The following SPOP variants were observed in gnomAD, a reference collection of about 807,000 sequenced individuals.
The protein encoded by SPOP is speckle type BTB/POZ protein.
A neutral mutation model predicts 45.6 loss-of-function variants in SPOP; 11 were observed. That is an observed-to-expected ratio of 0.24 (90% confidence interval 0.15 to 0.40). The LOEUF is 0.40. SPOP is among the 10% of genes least tolerant of loss of function. The pLI, the probability that SPOP is intolerant of heterozygous loss-of-function variation, is 1.00. For missense variants in SPOP, 152 were observed against 465.6 expected (o/e 0.33, Z 6.20); for synonymous variants, 166 against 166.3 (o/e 1.00, Z 0.01).
chr17:49,676,272 C>G (rs571751511), intron 1 of SPOP, among the ~76,000 whole-genome samples: 74 of 152,224 alleles, frequency 4.9e-4, no homozygotes, highest in African/African-American at 1.5e-3. Context: ...ACAATAACTT[C>G]TACCTCTAAG....
In SPOP at chr17:49,601,883, G is replaced by A. The variant is rs1274528044; in HGVS notation, c.962C>T (p.Ala321Val). The A allele has an allele frequency of 6.2e-7, 1 of 1,614,064 alleles. No homozygotes were observed. Among genetic ancestry groups the A allele is most frequent in the Admixed American group, 1.7e-5 (1 of 60,010 alleles). The change falls in exon 9 of 10, where the codon GCA becomes GTA. Residue 321 changes from alanine (A) to valine (V), a missense_variant. By Grantham distance (64) the Ala-to-Val change is moderately conservative (BLOSUM62 0). Transcript: ENST00000504102. ...LHSADQLKTQ[A>V]VDFINYHASD... ...AACTCACTAGTTGATGAAATCCACTGCCTGAGTTTTCAACTGATCTGCACT... is the reference window on the plus strand; with the variant it reads ...AACTCACTAGTTGATGAAATCCACTACCTGAGTTTTCAACTGATCTGCACT...
intron 1 of SPOP, among the ~76,000 whole-genome samples, chr17:49,645,568 T>A (rs1234537106): frequency 6.6e-6 from 1 of 152,094 alleles, no homozygotes; most frequent in Non-Finnish European, 1.5e-5. Flanking sequence ...GTGCTGGGAT[T>A]ACAGGCATGA....
At chr17:49,608,894 C>T (rs1240678594) in intron 6 of SPOP, among the ~76,000 whole-genome samples, 2 of 151,886 alleles carry the variant, frequency 1.3e-5, no homozygotes, top group Non-Finnish European at 1.5e-5. Context: ...CTAATTTTAG[C>T]TCTGCCATTT....
At chr17:49,622,356 G>A in intron 2 of SPOP, 2 of 563,296 alleles carry the variant, frequency 3.6e-6, no homozygotes, top group East Asian at 3.8e-5. Context: ...GACAGGGCTG[G>A]GAAAGCATAT....
At chr17:49,635,997 G>GTTTGTT (rs898782602) in intron 1 of SPOP, among the ~76,000 whole-genome samples, 1 of 151,538 alleles carries the variant, frequency 6.6e-6, no homozygotes, top group African/African-American at 2.4e-5. Context: ...TGTTTTTTCT[G>GTTTGTT]TTTGTTTTTG....
chr17:49,603,461 GT>G (rs2071777521), intron 8 of SPOP, among the ~76,000 whole-genome samples: 1 of 152,208 alleles, frequency 6.6e-6, no homozygotes, highest in Non-Finnish European at 1.5e-5. Flanking sequence ...TGGGGACAAA[GT>G]TTTTTCTTAA....
chr17:49,669,680 G>T (rs916164746), intron 1 of SPOP, among the ~76,000 whole-genome samples: 8 of 146,242 alleles, frequency 5.5e-5, no homozygotes, highest in African/African-American at 2.0e-4. Context: ...TAAGAGAATG[G>T]CTTGGACCCG....
intron 1 of SPOP, among the ~76,000 whole-genome samples, chr17:49,632,266 G>A (rs2072464562): frequency 6.6e-6 from 1 of 152,104 alleles, no homozygotes. Flanking sequence ...AATTTATTGA[G>A]TACATTACAA....
chr17:49,665,488 G>A (rs1366550512), intron 1 of SPOP, among the ~76,000 whole-genome samples: 4 of 151,694 alleles, frequency 2.6e-5, no homozygotes, highest in Admixed American at 6.6e-5. Flanking sequence ...GGTGGCAGGC[G>A]CCTGTAGTCC....
Position 49,607,206 on chromosome 17 carries a change from C to T in SPOP, c.837+44G>A, listed in dbSNP as rs773780837. ...ATCCTGTTCATGAAACACAAGAAGT[C>T]ACAATAACTCCTAGTCCTGATTATT... On this transcript the variant is annotated intron_variant, in intron 8 of 9. Coordinates refer to ENST00000504102, the MANE Select transcript of SPOP (RefSeq NM_001007228.2). The T allele has an allele frequency of 3.1e-6, 5 of 1,611,814 alleles. No individual in the cohort carries two copies. In the Admixed American group the frequency reaches 8.4e-5, roughly 27 times the overall value.
intron 1 of SPOP, among the ~76,000 whole-genome samples, chr17:49,634,882 C>G (rs1029934914): frequency 2.0e-5 from 3 of 152,148 alleles, no homozygotes; most frequent in African/African-American, 7.2e-5. Flanking sequence ...TGAAAAGGCC[C>G]ACCTGCTCCA....
At chr17:49,641,558 T>C (rs1293116818) in intron 1 of SPOP, among the ~76,000 whole-genome samples, 2 of 147,404 alleles carry the variant, frequency 1.4e-5, no homozygotes, top group African/African-American at 5.0e-5. Flanking sequence ...ACAGTAACTC[T>C]ATAGCACAAA....
chr17:49,648,568 T>C (rs2072793964), intron 1 of SPOP, among the ~76,000 whole-genome samples: 1 of 152,220 alleles, frequency 6.6e-6, no homozygotes. Flanking sequence ...GAATGTTTCA[T>C]GTGACTTAAT....
intron 1 of SPOP, among the ~76,000 whole-genome samples, chr17:49,668,816 A>G (rs991507197): frequency 3.5e-5 from 5 of 142,490 alleles, no homozygotes; most frequent in African/African-American, 1.3e-4. Context: ...CACTCTTGTC[A>G]CCCAGACTGG....
intron 1 of SPOP, among the ~76,000 whole-genome samples, chr17:49,642,273 T>C (rs987645980): frequency 2.0e-5 from 3 of 151,952 alleles, no homozygotes; most frequent in African/African-American, 4.8e-5. Context: ...CAAAAAAATA[T>C]ATAATTTCAA....
chr17:49,644,101 C>A (rs562418767), intron 1 of SPOP, among the ~76,000 whole-genome samples: 2 of 151,992 alleles, frequency 1.3e-5, no homozygotes, highest in Admixed American at 1.3e-4. Flanking sequence ...TGCTGTGGCT[C>A]ACACCTGTAA....
At chr17:49,628,204 C>A (rs147173835) in intron 1 of SPOP, among the ~76,000 whole-genome samples, 63 of 152,362 alleles carry the variant, frequency 4.1e-4, no homozygotes, top group African/African-American at 1.5e-3. Context: ...TTTTCCAAAG[C>A]TTACCAAACT....
chr17:49,631,106 T>C (rs1289782569), intron 1 of SPOP, among the ~76,000 whole-genome samples: 1 of 152,230 alleles, frequency 6.6e-6, no homozygotes, highest in Non-Finnish European at 1.5e-5. Flanking sequence ...GCATCCCCTT[T>C]AATCCAGCAA....
In SPOP at chr17:49,609,919, A is replaced by C. The variant is rs1293570057; in HGVS notation, c.658+1361T>G. Reference sequence around the variant, plus strand: ...GAGAAGGCAAGATGGGATATAAAACAGAGCAGAGGTAGAAAAAAAGTCTGC... The same window carrying C: ...GAGAAGGCAAGATGGGATATAAAACCGAGCAGAGGTAGAAAAAAAGTCTGC... On this transcript the variant is annotated intron_variant, in intron 6 of 9. Coordinates refer to ENST00000504102, the MANE Select transcript of SPOP (RefSeq NM_001007228.2). 2.0e-5 allele frequency among the ~76,000 whole-genome samples: 3 copies of C among 152,040 alleles called. No individual in the cohort carries two copies. In the East Asian group the frequency reaches 5.8e-4, roughly 29 times the overall value.
Sources: allele counts gnomAD v4.1 joint callset (sites outside exome capture counted in the v4.1 genomes callset), GRCh38; gene constraint gnomAD v4.1.1; transcripts MANE v1.5; gene names NCBI Gene and HGNC (gene_info 2026-07-23, HGNC 2026-07-21).